DAB1: variants seen among roughly 807,000 people sequenced by gnomAD.
The protein encoded by DAB1 is disabled homolog 1.
A neutral mutation model predicts 64.6 loss-of-function variants in DAB1; 15 were observed. The observed-to-expected ratio is 0.23, with a 90% CI of 0.16 to 0.36. The LOEUF (loss-of-function observed/expected upper bound fraction) is 0.36, where lower values mean the gene tolerates loss of function less well. Among genes scored for constraint, DAB1 ranks in the 10% least tolerant of loss-of-function variants. DAB1 has a pLI of 1.00. For synonymous variants in DAB1, 235 were observed against 251.9 expected (o/e 0.93, Z 0.64); for missense variants, 596 against 706.7 (o/e 0.84, Z 1.78).
intron 7 of DAB1, among the ~76,000 whole-genome samples, chr1:57,452,166 C>CCCCCCCT (rs367685387): frequency 1.3e-5 from 1 of 75,010 alleles, no homozygotes; most frequent in African/African-American, 6.1e-5. Flanking sequence ...TGCACCCCCC[C>CCCCCCCT]TTTTTTTTTT....
chr1:57,128,172 T>A lies in DAB1; in HGVS notation c.306+8371A>T, dbSNP rs1001663933. On this transcript the variant is annotated intron_variant, in intron 4 of 14. Coordinates refer to ENST00000371236, the MANE Select transcript of DAB1 (RefSeq NM_001365792.1). Reference sequence around the variant, plus strand: ...AAATAAAAATAAATAAATAAATAAATAAATAAATAAATAAATAAATAATAC... The same window carrying A: ...AAATAAAAATAAATAAATAAATAAAAAAATAAATAAATAAATAAATAATAC... Among the ~76,000 whole-genome samples the A allele has an allele frequency of 2.1e-3, 310 of 145,178 alleles. 1 individual carries two copies. Among genetic ancestry groups the A allele is most frequent in the African/African-American group, 7.3e-3 (268 of 36,896 alleles).
intron 5 of DAB1, among the ~76,000 whole-genome samples, chr1:57,908,309 T>C (rs899164038): frequency 6.6e-6 from 1 of 152,116 alleles, no homozygotes; most frequent in African/African-American, 2.4e-5. Context: ...CTCATCCTTG[T>C]GCCCATACAT....
At chr1:58,332,893 C>T (rs1310198060) in intron 4 of DAB1, among the ~76,000 whole-genome samples, 3 of 150,768 alleles carry the variant, frequency 2.0e-5, no homozygotes, top group Non-Finnish European at 4.4e-5. Context: ...TTATGTCACC[C>T]TTTTAAAATT....
At chr1:58,110,884 T>C (rs1651930338) in intron 5 of DAB1, among the ~76,000 whole-genome samples, 1 of 152,250 alleles carries the variant, frequency 6.6e-6, no homozygotes, top group South Asian at 2.1e-4. Flanking sequence ...ATTTCAATAG[T>C]ACCTCAACTC....
chr1:57,993,406 T>G (rs1052882567), intron 5 of DAB1, among the ~76,000 whole-genome samples: 2 of 152,224 alleles, frequency 1.3e-5, no homozygotes, highest in African/African-American at 4.8e-5. Flanking sequence ...AGTAATCTGC[T>G]GCCACCCCAT....
intron 1 of DAB1, among the ~76,000 whole-genome samples, chr1:57,356,422 A>G (rs1414989096): frequency 6.6e-6 from 1 of 152,068 alleles, no homozygotes; most frequent in Non-Finnish European, 1.5e-5. Flanking sequence ...GCAAGTCCTC[A>G]ATAAACTTCA....
rs1006070512 is a variant in DAB1, at chr1:57,866,638, T to TA, written n.87+17360dup. Reference sequence around the variant, plus strand: ...CTTGACACCTCAGTTTCCCTGACTGTAAATGGGGATGATTCGGGCATGCCT... The same window carrying TA: ...CTTGACACCTCAGTTTCCCTGACTGTAAAATGGGGATGATTCGGGCATGCCT... On this transcript the variant is annotated intron_variant and non_coding_transcript_variant, in intron 1 of 1. Coordinates refer to the DAB1 transcript ENST00000477280. Among the ~76,000 whole-genome samples the TA allele has an allele frequency of 2.0e-5, 3 of 152,120 alleles. No homozygotes were observed. In the East Asian group the frequency reaches 5.8e-4, roughly 29 times the overall value.
At chr1:57,884,926 C>T (rs1479283664), upstream of DAB1, among the ~76,000 whole-genome samples, 1 of 152,202 alleles carries the variant, frequency 6.6e-6, no homozygotes, top group African/African-American at 2.4e-5. Flanking sequence ...GTGATCTTTG[C>T]ACATGCTGGC....
intron 5 of DAB1, among the ~76,000 whole-genome samples, chr1:57,989,397 A>G (rs1398357790): frequency 6.6e-6 from 1 of 152,014 alleles, no homozygotes; most frequent in African/African-American, 2.4e-5. Flanking sequence ...GATTAAACCT[A>G]TTTTCCTTTT....
intron 1 of DAB1, among the ~76,000 whole-genome samples, chr1:57,414,165 A>T (rs1043726502): frequency 6.6e-6 from 1 of 152,234 alleles, no homozygotes; most frequent in African/African-American, 2.4e-5. Flanking sequence ...ATTTTGAAAA[A>T]AGTTCTGCTG....
chr1:58,001,018 A>C (rs1646499414), intron 5 of DAB1, among the ~76,000 whole-genome samples: 1 of 150,920 alleles, frequency 6.6e-6, no homozygotes, highest in Non-Finnish European at 1.5e-5. Flanking sequence ...TTAACTTCTT[A>C]ATTTTCCATT....
rs142146548 is a variant in DAB1, at chr1:57,352,671, A to G, written c.-136-61505T>C. Among the ~76,000 whole-genome samples, 938 of 152,290 alleles carry G rather than the reference A, an allele frequency of 6.2e-3. 3 individuals are homozygous for G. Among genetic ancestry groups the G allele is most frequent in the Non-Finnish European group, 9.6e-3 (653 of 68,016 alleles). The stretch of plus-strand genomic sequence containing the variant: ...CTGAAGGAGTAAGATTTGAACCCAC[A>G]CATTCTAGTAATTTGGAACATTTCC... On this transcript the variant is annotated intron_variant, in intron 1 of 14. Transcript: ENST00000371236.
intron 7 of DAB1, among the ~76,000 whole-genome samples, chr1:57,503,309 A>C (rs1248962320): frequency 6.6e-6 from 1 of 152,240 alleles, no homozygotes; most frequent in Non-Finnish European, 1.5e-5. Flanking sequence ...GAAAGAAAAG[A>C]AATGCAGTAG....
intron 4 of DAB1, among the ~76,000 whole-genome samples, chr1:57,121,132 GAA>G (rs1656605447): frequency 7.3e-6 from 1 of 136,274 alleles, no homozygotes; most frequent in Non-Finnish European, 1.5e-5. Flanking sequence ...AAGAAGAAGA[GAA>G]GAAGAAGGAG....
At chr1:58,390,715 A>T (rs2100554812) in intron 3 of DAB1, among the ~76,000 whole-genome samples, 1 of 152,298 alleles carries the variant, frequency 6.6e-6, no homozygotes, top group African/African-American at 2.4e-5. Context: ...TGTACTAGGC[A>T]TTTTTTGCAC....
chr1:57,349,687 A>G (rs1437273077), intron 1 of DAB1, among the ~76,000 whole-genome samples: 5 of 152,204 alleles, frequency 3.3e-5, no homozygotes, highest in Non-Finnish European at 7.4e-5. Context: ...AGCAGCCTGC[A>G]TTATTCCAGT....
intron 2 of DAB1, among the ~76,000 whole-genome samples, chr1:57,268,596 C>T (rs1265442811): frequency 1.3e-5 from 2 of 152,118 alleles, no homozygotes; most frequent in African/African-American, 4.8e-5. Flanking sequence ...AGGTTTCTTC[C>T]CTGAGAGCAC....
intron 5 of DAB1, among the ~76,000 whole-genome samples, chr1:58,027,604 AG>A (rs1418214719): frequency 6.6e-6 from 1 of 152,074 alleles, no homozygotes; most frequent in African/African-American, 2.4e-5. Flanking sequence ...TTGAGGAAAG[AG>A]GCTCTAGAGC....
At chr1:57,334,121 G>T (rs1676896447) in intron 1 of DAB1, among the ~76,000 whole-genome samples, 1 of 152,176 alleles carries the variant, frequency 6.6e-6, no homozygotes, top group South Asian at 2.1e-4. Flanking sequence ...GTATAAGTGG[G>T]GAAGTAAGGC....
Sources: allele counts gnomAD v4.1 joint callset (sites outside exome capture counted in the v4.1 genomes callset), GRCh38; gene constraint gnomAD v4.1.1; transcripts MANE v1.5; gene names NCBI Gene and HGNC (gene_info 2026-07-23, HGNC 2026-07-21).